The following SBDS variants were observed in gnomAD, a reference collection of about 807,000 sequenced individuals.
SBDS encodes the protein SBDS ribosome maturation factor.
A neutral mutation model predicts 26.4 loss-of-function variants in SBDS; 20 were observed. That is an observed-to-expected ratio of 0.76 (90% confidence interval 0.53 to 1.10). The LOEUF is 1.10. SBDS is among the 50% of genes least tolerant of loss of function. The pLI, the probability that SBDS is intolerant of heterozygous loss-of-function variation, is 0.00. For missense variants in SBDS, 241 were observed against 302.0 expected (o/e 0.80, Z 1.50); for synonymous variants, 95 against 105.1 (o/e 0.90, Z 0.59).
chr7:66,993,346 G>A lies in SBDS; in HGVS notation c.330C>T (p.Asp110=), dbSNP rs1330567362. 2.5e-6 allele frequency: 4 copies of A among 1,614,014 alleles called. No homozygotes were observed. The highest frequency in any genetic ancestry group is 3.4e-6 in the Non-Finnish European group (4 of 1,179,940). The part of the protein sequence containing the change: ...RHTQLEQMFR[D]IATIVADKCV... The stretch of plus-strand genomic sequence containing the variant: ...ATTTGTCTGCCACAATAGTTGCAAT[G>A]TCCCTAAACATCTGCTCCAGTTGTG... Residue 110 remains aspartate, a synonymous_variant, in exon 3 of 5, where the codon GAC becomes GAT. Transcript: ENST00000246868.
Position 66,993,128 on chromosome 7 carries a change from T to A in SBDS, c.459+89A>T, listed in dbSNP as rs547546930. The A allele has an allele frequency of 1.2e-5, 15 of 1,202,614 alleles. No individual in the cohort carries two copies. In the East Asian group the frequency reaches 3.5e-4, roughly 28 times the overall value. The allele number at this position is 1,202,614 out of a possible 1,614,324, so 74.5% of individuals were successfully genotyped here. The stretch of plus-strand genomic sequence containing the variant: ...CTAGGATTACAGGCATGAACCATTG[T>A]GCCTGGCCCCAGACCCATTATTTTA... On this transcript the variant is annotated intron_variant, in intron 3 of 4. Coordinates refer to ENST00000246868, the MANE Select transcript of SBDS (RefSeq NM_016038.4).
intron 3 of SBDS, among the ~76,000 whole-genome samples, chr7:66,991,866 C>T (rs1453756188): frequency 2.0e-5 from 3 of 152,056 alleles, no homozygotes; most frequent in South Asian, 2.1e-4. Flanking sequence ...ATCAAAACCA[C>T]GACAAGATAC....
chr7:66,994,835 A>G (rs1793062552), intron 1 of SBDS, among the ~76,000 whole-genome samples: 1 of 152,166 alleles, frequency 6.6e-6, no homozygotes, highest in Non-Finnish European at 1.5e-5. Context: ...AAGAAACACA[A>G]GGGTGGGGTG....
At chr7:66,988,857 A>G (rs1430537396) in intron 4 of SBDS, among the ~76,000 whole-genome samples, 2 of 152,334 alleles carry the variant, frequency 1.3e-5, no homozygotes, top group East Asian at 3.9e-4. Flanking sequence ...ATGAAGGAGA[A>G]AAAGCAATGT....
chr7:66,993,620 TC>T (rs907967514), intron 2 of SBDS, among the ~76,000 whole-genome samples: 1 of 152,108 alleles, frequency 6.6e-6, no homozygotes. Context: ...ACATCTGTAA[TC>T]CCAGCACTTT....
In SBDS at chr7:66,988,393, T is replaced by C; in HGVS notation, c.731A>G (p.Glu244Gly). The change falls in exon 5 of 5, where the codon GAA (glutamate) becomes GGA (glycine). Residue 244 changes from glutamate (E) to glycine (G), a missense_variant. Physicochemically the swap from Glu to Gly is moderately conservative, Grantham distance 98. Transcript: ENST00000246868. ...LEVLNLKDVE[E>G]GDEKFE is the part of the protein sequence containing the mutation. ...GTGTCATTCAAATTTCTCATCTCCT[T>C]CTTCTACATCTTTCAGATTGAGTAC... The C allele has an allele frequency of 6.2e-7, 1 of 1,613,692 alleles. No homozygotes were observed. The highest frequency in any genetic ancestry group is 8.5e-7 in the Non-Finnish European group (1 of 1,179,990).
At chr7:66,993,086 T>C (rs1390525845) in intron 3 of SBDS, 131 bp downstream of exon 3, 1 of 850,040 alleles carries the variant, frequency 1.2e-6, no homozygotes, top group Non-Finnish European at 2.0e-6. Context: ...AATCCTCCCA[T>C]CTTGGCTCCC....
At chr7:66,991,750 CG>C (rs78810914) in intron 3 of SBDS, among the ~76,000 whole-genome samples, 13,173 of 47,270 alleles carry the variant, frequency 0.28, 622 homozygotes, top group Non-Finnish European at 0.32. Flanking sequence ...AAAAAGAGGG[CG>C]GGGGGGGTGG....
intron 1 of SBDS, among the ~76,000 whole-genome samples, chr7:66,994,837 G>A (rs1260354204): frequency 2.0e-5 from 3 of 150,236 alleles, no homozygotes; most frequent in Non-Finnish European, 4.5e-5. Context: ...GAAACACAAG[G>A]GTGGGGTGGG....
chr7:66,995,105 A>G lies in SBDS; in HGVS notation c.128+185T>C, dbSNP rs1364386948. The G allele has an allele frequency of 8.9e-6, 7 of 784,850 alleles. No homozygotes were observed. In the Admixed American group the frequency reaches 1.7e-4, roughly 19 times the overall value. 48.6% of individuals were successfully genotyped at this position (784,850 alleles called of 1,614,324 possible). A position where few individuals can be genotyped will look rare whatever the true frequency, so the allele number is the denominator to read the frequency against. On this transcript the variant is annotated intron_variant, in intron 1 of 4. Coordinates refer to ENST00000246868, the MANE Select transcript of SBDS (RefSeq NM_016038.4). The stretch of plus-strand genomic sequence containing the variant: ...AACCCAATCCGAACCAACCAAATAA[A>G]GAAGAAACCCTTGGCTTAGGCGCCA...
At position 66,991,166 on chromosome 7, in the gene SBDS, T is replaced by C. The variant is rs373073532; in HGVS notation, c.595A>G (p.Ser199Gly). ...TCTAACTGTTGGCCATAATCTTCAC[T>C]TTCTATGACCTTGATCAGTGGCTTG... The part of the protein sequence containing the change: ...KLKPLIKVIE[S>G]EDYGQQLEIV... The change falls in exon 4 of 5, where the codon AGT becomes GGT. Residue 199 changes from serine to glycine, a missense_variant. Coordinates refer to ENST00000246868, the MANE Select transcript of SBDS (RefSeq NM_016038.4). The C allele has an allele frequency of 1.2e-6, 2 of 1,613,696 alleles. No homozygotes were observed. Among genetic ancestry groups the C allele is most frequent in the Middle Eastern group, 1.6e-4 (1 of 6,084 alleles).
Position 66,991,219 on chromosome 7 carries a change from T to C in SBDS, c.542A>G (p.Asn181Ser), listed in dbSNP as rs575846519. ...CTTTTCTTTCAGCTTCTTGCCTTCA[T>C]TGACTGGAAGGATGAACCGAAGCCT... Reference protein sequence around the residue: ...HMRLRFILPVNEGKKLKEKLK... With the variant: ...HMRLRFILPVSEGKKLKEKLK... Residue 181 changes from asparagine (N) to serine (S), a missense_variant, in exon 4 of 5, where the codon AAT becomes AGT. Transcript: ENST00000246868. 4.3e-6 allele frequency: 7 copies of C among 1,613,998 alleles called. No individual in the cohort carries two copies. The highest frequency in any genetic ancestry group is 4.0e-5 in the African/African-American group (3 of 75,052).
chr7:66,991,024 A>G, intron 4 of SBDS, 113 bp downstream of exon 4: 1 of 1,087,208 alleles, frequency 9.2e-7, no homozygotes, highest in Non-Finnish European at 1.3e-6. Flanking sequence ...CTCAAAAAAA[A>G]AAAAGAAAAG....
chr7:66,994,495 C>CCG (rs1562955555), intron 1 of SBDS, 154 bp from the exon 2 acceptor site: 1 of 707,230 alleles, frequency 1.4e-6, no homozygotes, highest in African/African-American at 1.8e-5. Context: ...TTTTTCTTAC[C>CCG]CCCCAACCCC....
At position 66,988,090 on chromosome 7, in the gene SBDS, A is replaced by C; in HGVS notation, c.*281T>G. On this transcript the variant is annotated 3_prime_UTR_variant, in exon 5 of 5. Transcript: ENST00000246868. ...CTGCCTCAAGTAACTTTCATTTTGG[A>C]AAGCTATCAAGGCATGAGACAGAGT... The C allele has an allele frequency of 2.3e-6, 1 of 440,010 alleles. No homozygotes were observed. The highest frequency in any genetic ancestry group is 4.2e-6 in the Non-Finnish European group (1 of 237,524). The allele number at this position is 440,010 out of a possible 1,614,324, so 27.3% of individuals were successfully genotyped here.
At chr7:66,991,530 C>T (rs1792974533) in intron 3 of SBDS, among the ~76,000 whole-genome samples, 1 of 152,082 alleles carries the variant, frequency 6.6e-6, no homozygotes, top group Non-Finnish European at 1.5e-5. Context: ...TGGTGGCTCA[C>T]GCCTGTAATT....
At chr7:66,991,448 A>T in intron 3 of SBDS, 147 bp from the exon 4 acceptor site, 2 of 707,522 alleles carry the variant, frequency 2.8e-6, no homozygotes, top group Admixed American at 6.3e-5. Context: ...AAAAAAAAAT[A>T]GAAAAATTGG....
chr7:66,995,498 G>C lies in SBDS; in HGVS notation c.-81C>G, dbSNP rs1206993629. The C allele has an allele frequency of 3.7e-6, 6 of 1,604,262 alleles. No homozygotes were observed. The highest frequency in any genetic ancestry group is 1.3e-5 in the African/African-American group (1 of 74,842). ...GCCTGAAGGCCACCAGCGCCTCGCG[G>C]TAACGACCGATCGGCGCGCGGCACT... On this transcript the variant is annotated 5_prime_UTR_variant, in exon 1 of 5. Coordinates refer to ENST00000246868, the MANE Select transcript of SBDS (RefSeq NM_016038.4).
At chr7:66,994,924 G>A (rs1793065182) in intron 1 of SBDS, among the ~76,000 whole-genome samples, 1 of 152,172 alleles carries the variant, frequency 6.6e-6, no homozygotes, top group African/African-American at 2.4e-5. Context: ...AAACTGCTAG[G>A]GCTACTGAGA....
Sources: gnomAD v4.1 joint callset for allele counts (sites outside exome capture counted in the v4.1 genomes callset) on GRCh38, gnomAD v4.1.1 for gene constraint, MANE v1.5 for transcripts, NCBI Gene and HGNC (gene_info 2026-07-23, HGNC 2026-07-21) for gene names.